Variants in SUGCT observed in about 807,000 individuals in gnomAD.
SUGCT encodes the protein succinyl-CoA:glutarate CoA-transferase.
A neutral mutation model predicts 55.0 loss-of-function variants in SUGCT; 41 were observed. The ratio of observed to expected loss-of-function variants is 0.74; its 90% CI spans 0.58 to 0.97. The LOEUF is 0.97. Among genes scored for constraint, SUGCT ranks in the 50% least tolerant of loss-of-function variants. The pLI is 0.00. For missense variants in SUGCT, 568 were observed against 547.8 expected, an observed-to-expected ratio of 1.04 and a Z score of -0.37; for synonymous variants, 187 against 200.4, an observed-to-expected ratio of 0.93 and a Z score of 0.56.
the SUGCT span, among the ~76,000 whole-genome samples, chr7:40,999,218 C>CT: frequency 0.012 from 1,804 of 147,470 alleles, 32 homozygotes; most frequent in African/African-American, 0.04. Flanking sequence ...TTATGCACAG[C>CT]TTTTTTTTTT....
intron 9 of SUGCT, among the ~76,000 whole-genome samples, chr7:40,444,891 A>G (rs1189154612): frequency 2.0e-5 from 3 of 152,186 alleles, no homozygotes; most frequent in South Asian, 2.1e-4. Flanking sequence ...ATTTTGAGAT[A>G]CATCCCACCA....
chr7:40,614,019 G>A (rs1798884203), intron 12 of SUGCT, among the ~76,000 whole-genome samples: 1 of 152,098 alleles, frequency 6.6e-6, no homozygotes, highest in African/African-American at 2.4e-5. Flanking sequence ...TAATTCGTAT[G>A]TCTATGGTTT....
chr7:40,867,240 G>A, the SUGCT span, among the ~76,000 whole-genome samples: 49 of 148,744 alleles, frequency 3.3e-4, no homozygotes, highest in South Asian at 1.7e-3. Flanking sequence ...CTATCTCTCC[G>A]CATATAATAT....
In SUGCT at chr7:40,676,020, C is replaced by T. The variant is rs1431742047; in HGVS notation, c.1090-73414C>T. 3.3e-5 allele frequency among the ~76,000 whole-genome samples: 5 copies of T among 152,048 alleles called. No individual in the cohort carries two copies. In the South Asian group the frequency reaches 8.3e-4, roughly 25 times the overall value. ...GGAAAGCAGATAAAAATGAGTAATA[C>T]CAAATATATAATTAACAGTAGCTGG... On this transcript the variant is annotated intron_variant, in intron 12 of 13. Coordinates refer to ENST00000335693, the MANE Select transcript of SUGCT (RefSeq NM_001193313.2).
chr7:40,164,235 C>T (rs1257573463), intron 1 of SUGCT, among the ~76,000 whole-genome samples: 2 of 151,540 alleles, frequency 1.3e-5, no homozygotes, highest in African/African-American at 2.4e-5. Flanking sequence ...TCAAGCGATT[C>T]TCCTGCCTCA....
intron 9 of SUGCT, among the ~76,000 whole-genome samples, chr7:40,319,612 A>G (rs1795618893): frequency 6.6e-6 from 1 of 152,190 alleles, no homozygotes; most frequent in Admixed American, 6.5e-5. Context: ...AATTTCAGAA[A>G]AGTAGTGATT....
At chr7:40,235,331 T>G in intron 6 of SUGCT, among the ~76,000 whole-genome samples, 1 of 152,110 alleles carries the variant, frequency 6.6e-6, no homozygotes, top group Non-Finnish European at 1.5e-5. Flanking sequence ...AAAATTTTTG[T>G]TATTTTTATT....
intron 6 of SUGCT, among the ~76,000 whole-genome samples, chr7:40,199,092 T>C (rs1450076208): frequency 6.6e-6 from 1 of 152,112 alleles, no homozygotes; most frequent in Non-Finnish European, 1.5e-5. Flanking sequence ...GTTGCACATG[T>C]TGTGATTGAG....
chr7:40,805,040 G>A (rs563614105), intron 13 of SUGCT, among the ~76,000 whole-genome samples: 1 of 152,160 alleles, frequency 6.6e-6, no homozygotes, highest in East Asian at 1.9e-4. Context: ...GGTCAGCTTC[G>A]ATATGTCTAC....
intron 1 of SUGCT, among the ~76,000 whole-genome samples, chr7:40,144,313 C>G (rs769958368): frequency 5.9e-5 from 9 of 152,120 alleles, no homozygotes; most frequent in Non-Finnish European, 1.2e-4. Context: ...ACTAGATGGT[C>G]AGCAATAGAG....
chr7:40,453,135 TTGTTTTCCC>T, intron 10 of SUGCT, among the ~76,000 whole-genome samples: 1 of 152,152 alleles, frequency 6.6e-6, no homozygotes, highest in Admixed American at 6.5e-5. Context: ...TGGAAATAGT[TTGTTTTCCC>T]CTCCTTTCCA....
intron 9 of SUGCT, among the ~76,000 whole-genome samples, chr7:40,367,059 T>TA (rs1784020692): frequency 6.6e-6 from 1 of 152,046 alleles, no homozygotes; most frequent in Non-Finnish European, 1.5e-5. Flanking sequence ...ATGTGGCACA[T>TA]ATACACCATG....
At chr7:40,512,629 A>G (rs897160134) in intron 12 of SUGCT, among the ~76,000 whole-genome samples, 1 of 152,212 alleles carries the variant, frequency 6.6e-6, no homozygotes, top group Non-Finnish European at 1.5e-5. Context: ...TAGTACATGC[A>G]TAAAGAACTT....
intron 7 of SUGCT, among the ~76,000 whole-genome samples, chr7:40,255,264 T>G (rs910627126): frequency 2.0e-5 from 3 of 150,388 alleles, no homozygotes; most frequent in African/African-American, 7.3e-5. Flanking sequence ...AAAGGATATG[T>G]CTTCAGTTTG....
chr7:41,007,137 A>T, the SUGCT span, among the ~76,000 whole-genome samples: 1 of 151,888 alleles, frequency 6.6e-6, no homozygotes, highest in Admixed American at 6.6e-5. Context: ...ATCCTATTTT[A>T]TTTTAAAAAT....
intron 8 of SUGCT, among the ~76,000 whole-genome samples, chr7:40,289,278 C>G (rs1584581198): frequency 6.6e-6 from 1 of 152,072 alleles, no homozygotes; most frequent in Non-Finnish European, 1.5e-5. Flanking sequence ...AATAGTCTCT[C>G]CTTACCTGTG....
intron 5 of SUGCT, 75 bp downstream of exon 5, chr7:40,189,669 T>C: frequency 2.6e-6 from 2 of 759,506 alleles, no homozygotes; most frequent in East Asian, 3.2e-5. Context: ...GCAAAAGTGT[T>C]TTAAAACTCA....
intron 10 of SUGCT, 34 bp downstream of exon 10, chr7:40,449,392 TTGTA>T (rs1375409369): frequency 6.5e-7 from 1 of 1,543,522 alleles, no homozygotes; most frequent in East Asian, 2.3e-5. Flanking sequence ...GTCGATGATT[TTGTA>T]CAAAGCCAGG....
intron 7 of SUGCT, among the ~76,000 whole-genome samples, chr7:40,249,347 AATTAT>A (rs1406352706): frequency 8.2e-6 from 1 of 121,508 alleles, no homozygotes. Context: ...ATATATATAT[AATTAT>A]ATTATATAGA....
Sources: allele counts gnomAD v4.1 joint callset (sites outside exome capture counted in the v4.1 genomes callset), GRCh38; gene constraint gnomAD v4.1.1; transcripts MANE v1.5; gene names NCBI Gene and HGNC (gene_info 2026-07-23, HGNC 2026-07-21).